DOCK1: variants seen among roughly 807,000 people sequenced by gnomAD.
DOCK1 encodes the protein dedicator of cytokinesis protein 1.
Under a neutral mutation model 262.7 loss-of-function variants are expected in DOCK1, and 138 were observed. That is an observed-to-expected ratio of 0.53 (90% CI 0.46 to 0.61). The LOEUF (loss-of-function observed/expected upper bound fraction) is 0.61, where lower values mean the gene tolerates loss of function less well. DOCK1 is among the 20% of genes least tolerant of loss of function. The pLI, the probability that DOCK1 is intolerant of heterozygous loss-of-function variation, is 0.00. For synonymous variants in DOCK1, 866 were observed against 867.4 expected (o/e 1.00, Z 0.03); for missense variants, 1,908 against 2,370.7 (o/e 0.80, Z 4.05).
chr10:126,947,618 GTGGT>G (rs2035602279), intron 1 of DOCK1, among the ~76,000 whole-genome samples: 1 of 129,942 alleles, frequency 7.7e-6, no homozygotes. Context: ...GGTGATGGTG[GTGGT>G]TGGTAGTATT....
intron 29 of DOCK1, among the ~76,000 whole-genome samples, chr10:127,267,061 G>T (rs956232018): frequency 2.0e-5 from 3 of 152,162 alleles, no homozygotes; most frequent in African/African-American, 7.2e-5. Flanking sequence ...TGATGCTCTG[G>T]ACCCTCCAGC....
intron 1 of DOCK1, among the ~76,000 whole-genome samples, chr10:126,970,484 G>C (rs1224062694): frequency 6.6e-6 from 1 of 152,182 alleles, no homozygotes; most frequent in Non-Finnish European, 1.5e-5. Context: ...GTCATCTGGT[G>C]TCATGGGTAG....
intron 27 of DOCK1, among the ~76,000 whole-genome samples, chr10:127,151,306 T>C (rs138531204): frequency 7.2e-4 from 109 of 152,280 alleles, no homozygotes; most frequent in African/African-American, 2.5e-3. Context: ...TTTATTTCAT[T>C]GACAGGACTC....
At chr10:127,199,113 C>CT (rs1315242769) in intron 27 of DOCK1, among the ~76,000 whole-genome samples, 1 of 151,680 alleles carries the variant, frequency 6.6e-6, no homozygotes, top group Non-Finnish European at 1.5e-5. Context: ...TTGGTATTGG[C>CT]TTTTTATATT....
intron 27 of DOCK1, among the ~76,000 whole-genome samples, chr10:127,177,491 G>A (rs943581192): frequency 2.6e-5 from 4 of 152,212 alleles, no homozygotes; most frequent in African/African-American, 4.8e-5. Context: ...GTGAGGCTTC[G>A]CCTTTTCCCC....
In DOCK1 at chr10:127,061,753, T is replaced by G; in HGVS notation, c.2422T>G (p.Ser808Ala). 1 of 1,591,958 alleles carries G rather than the reference T, an allele frequency of 6.3e-7. No homozygotes were observed. Among genetic ancestry groups the G allele is most frequent in the Non-Finnish European group, 8.6e-7 (1 of 1,169,012 alleles). Reference protein sequence around the residue: ...RSINDMMSSMSDQTVRVKGAA... With the variant: ...RSINDMMSSMADQTVRVKGAA... ...CATCAATGACATGATGAGCAGCATG[T>G]CAGACCAGACCGTCCGGGTGAAGGT... Residue 808 changes from serine to alanine, a missense_variant, in exon 23 of 52, where the codon TCA (serine) becomes GCA (alanine). Coordinates refer to ENST00000623213, the MANE Select transcript of DOCK1 (RefSeq NM_001290223.2).
rs543397392 is a variant in DOCK1, at chr10:126,968,748, C to T, written c.47-1954C>T. Among the ~76,000 whole-genome samples, 31 of 152,256 alleles carry T rather than the reference C, an allele frequency of 2.0e-4. No individual in the cohort carries two copies. The South Asian group carries it at 2.5e-3, about 12-fold the overall frequency. ...TGTATTTATGGTTCCTGAAGGTTTA[C>T]GAATACGGTCATGCTGAGCTGGGGA... On this transcript the variant is annotated intron_variant, in intron 1 of 51. Transcript: ENST00000623213.
chr10:127,211,079 C>T (rs1168196365), intron 27 of DOCK1, among the ~76,000 whole-genome samples: 3 of 152,100 alleles, frequency 2.0e-5, no homozygotes, highest in Non-Finnish European at 2.9e-5. Context: ...ACTCTGGGTA[C>T]GATGTTGTGC....
In DOCK1 at chr10:127,439,081, G is replaced by C; in HGVS notation, c.5115G>C (p.Lys1705Asn). The C allele has an allele frequency of 6.4e-7, 1 of 1,560,994 alleles. No homozygotes were observed. Among genetic ancestry groups the C allele is most frequent in the Non-Finnish European group, 8.7e-7 (1 of 1,152,188 alleles). ...PKKMHSRSQD[K>N]LDKDDLEKEK... ...AAATGCACTCCAGGTCCCAGGACAA[G>C]CTGGACAAGGATGACCTGGAGAAGG... Residue 1705 changes from lysine to asparagine, a missense_variant, in exon 49 of 52, where the codon AAG becomes AAC. This residue lies in a region of DOCK1 where 383 missense variants were observed against 420.1 expected (regional missense o/e 0.91). Transcript: ENST00000623213.
In DOCK1 at chr10:127,026,247, C is replaced by A. The variant is rs2042853220; in HGVS notation, c.1552-105C>A. 3.7e-6 allele frequency: 4 copies of A among 1,085,974 alleles called. No homozygotes were observed. The East Asian group carries it at 7.8e-5, about 21-fold the overall frequency. The allele number at this position is 1,085,974 out of a possible 1,614,324, so 67.3% of individuals were successfully genotyped here. The stretch of plus-strand genomic sequence containing the variant: ...TAGGTGTACAGTATTTTCACCACTG[C>A]AGTTAGAAATGTTTACAGTTGTACC... On this transcript the variant is annotated intron_variant, in intron 15 of 51. Coordinates refer to ENST00000623213, the MANE Select transcript of DOCK1 (RefSeq NM_001290223.2).
At chr10:126,918,803 G>A (rs2032816923) in intron 1 of DOCK1, among the ~76,000 whole-genome samples, 1 of 152,152 alleles carries the variant, frequency 6.6e-6, no homozygotes, top group Admixed American at 6.5e-5. Flanking sequence ...GTTATTAGCA[G>A]CAAAGTCAGC....
At chr10:127,385,607 C>T (rs543609673) in intron 38 of DOCK1, among the ~76,000 whole-genome samples, 11 of 152,274 alleles carry the variant, frequency 7.2e-5, no homozygotes, top group Non-Finnish European at 1.2e-4. Flanking sequence ...ACGTTCACAT[C>T]CTAGGGCTGC....
intron 35 of DOCK1, 123 bp downstream of exon 35, chr10:127,374,337 T>C: frequency 8.0e-7 from 1 of 1,245,582 alleles, no homozygotes; most frequent in Non-Finnish European, 1.1e-6. Flanking sequence ...AACAATCTCC[T>C]TCGCTTGTTT....
At chr10:127,220,243 A>C (rs1157638284) in intron 27 of DOCK1, among the ~76,000 whole-genome samples, 1 of 151,772 alleles carries the variant, frequency 6.6e-6, no homozygotes, top group Non-Finnish European at 1.5e-5. Flanking sequence ...GCAGAGAAAG[A>C]GTGTGGAGAA....
intron 1 of DOCK1, among the ~76,000 whole-genome samples, chr10:126,966,713 A>G (rs2037704585): frequency 6.6e-6 from 1 of 152,224 alleles, no homozygotes; most frequent in Non-Finnish European, 1.5e-5. Context: ...GCACAGCTGC[A>G]TGAGGCATGA....
chr10:127,311,167 C>G (rs906404354), intron 29 of DOCK1, among the ~76,000 whole-genome samples: 1 of 152,174 alleles, frequency 6.6e-6, no homozygotes, highest in Admixed American at 6.5e-5. Context: ...GAGCCTGCAA[C>G]TGCATTTCTA....
At chr10:127,402,851 C>A (rs1189165049) in intron 38 of DOCK1, among the ~76,000 whole-genome samples, 3 of 152,230 alleles carry the variant, frequency 2.0e-5, no homozygotes, top group Non-Finnish European at 1.5e-5. Flanking sequence ...CAGTGATTGA[C>A]CTCTTTGGCC....
chr10:127,417,181 C>T (rs1408329668), intron 44 of DOCK1, among the ~76,000 whole-genome samples: 6 of 152,216 alleles, frequency 3.9e-5, no homozygotes, highest in African/African-American at 9.6e-5. Flanking sequence ...GGGCCCATCA[C>T]GCTTCCTTTG....
chr10:127,152,020 TATA>T (rs796227455), intron 27 of DOCK1, among the ~76,000 whole-genome samples: 4 of 152,112 alleles, frequency 2.6e-5, no homozygotes, highest in African/African-American at 4.8e-5. Flanking sequence ...CATATATATA[TATA>T]TTTTTTTTCG....
Sources: gnomAD v4.1 joint callset for allele counts (sites outside exome capture counted in the v4.1 genomes callset) on GRCh38, gnomAD v4.1.1 for gene constraint, gnomAD v4.1.1 regional missense constraint, MANE v1.5 for transcripts, NCBI Gene and HGNC (gene_info 2026-07-23, HGNC 2026-07-21) for gene names.